STK3: variants seen among roughly 807,000 people sequenced by gnomAD.
The protein encoded by STK3 is serine/threonine kinase 3.
A neutral mutation model predicts 58.0 loss-of-function variants in STK3; 41 were observed. The ratio of observed to expected loss-of-function variants is 0.71; its 90% CI spans 0.55 to 0.92. The LOEUF (loss-of-function observed/expected upper bound fraction) is 0.92. STK3 is among the 40% of genes least tolerant of loss of function. The pLI, the probability that STK3 is intolerant of heterozygous loss-of-function variation, is 0.00. For synonymous variants in STK3, 170 were observed against 191.0 expected (o/e 0.89, Z 0.91); for missense variants, 479 against 602.7 (o/e 0.79, Z 2.15).
chr8:98,886,068 G>A (rs1837977686), intron 1 of STK3, among the ~76,000 whole-genome samples: 1 of 152,182 alleles, frequency 6.6e-6, no homozygotes, highest in Non-Finnish European at 1.5e-5. Context: ...GAGGGCGAAA[G>A]GCATGACTAT....
chr8:98,375,240 G>C (rs996866440), intron 2 of STK3, among the ~76,000 whole-genome samples: 1 of 138,230 alleles, frequency 7.2e-6, no homozygotes, highest in African/African-American at 2.7e-5. Context: ...GAGTGAGAGA[G>C]CAAGAAGCTG....
At chr8:98,844,068 A>C (rs1836102324) in intron 3 of STK3, among the ~76,000 whole-genome samples, 1 of 152,188 alleles carries the variant, frequency 6.6e-6, no homozygotes, top group Non-Finnish European at 1.5e-5. Context: ...TGGTGGGAGA[A>C]TCACTTAAAC....
At chr8:98,648,409 C>G (rs895511273) in intron 6 of STK3, among the ~76,000 whole-genome samples, 1 of 152,112 alleles carries the variant, frequency 6.6e-6, no homozygotes, top group Non-Finnish European at 1.5e-5. Context: ...CAAAAAGATC[C>G]TTGCTTTGAA....
intron 6 of STK3, among the ~76,000 whole-genome samples, chr8:98,702,890 G>A (rs2131044539): frequency 6.6e-6 from 1 of 152,300 alleles, no homozygotes; most frequent in Non-Finnish European, 1.5e-5. Context: ...AGATAGCCAT[G>A]TATATGTAGT....
At chr8:98,489,548 C>G (rs995566668) in intron 10 of STK3, among the ~76,000 whole-genome samples, 1 of 152,110 alleles carries the variant, frequency 6.6e-6, no homozygotes, top group Non-Finnish European at 1.5e-5. Context: ...TCCCACGTAT[C>G]AAGATTATGT....
At chr8:98,836,905 CTG>C (rs1323631455) in intron 3 of STK3, among the ~76,000 whole-genome samples, 11 of 152,152 alleles carry the variant, frequency 7.2e-5, no homozygotes, top group African/African-American at 2.4e-4. Flanking sequence ...GAAATTAAAA[CTG>C]AGAAAATTTT....
chr8:98,631,728 G>A (rs964889800), intron 6 of STK3, among the ~76,000 whole-genome samples: 15 of 152,082 alleles, frequency 9.9e-5, no homozygotes, highest in African/African-American at 3.1e-4. Context: ...GCAGTGGCAC[G>A]ACCTCGGCTC....
intron 6 of STK3, among the ~76,000 whole-genome samples, chr8:98,686,895 A>G (rs1209039595): frequency 6.6e-6 from 1 of 152,216 alleles, no homozygotes; most frequent in Non-Finnish European, 1.5e-5. Context: ...ATAATTTTTA[A>G]AAATGAAAAA....
intron 9 of STK3, among the ~76,000 whole-genome samples, chr8:98,544,248 G>A (rs13257475): frequency 0.34 from 51,522 of 151,986 alleles, 9,492 homozygotes; most frequent in Admixed American, 0.48. Flanking sequence ...TTTCTCAGAT[G>A]CTTATTACAC....
chr8:98,801,517 G>A (rs1007657433), intron 1 of STK3, among the ~76,000 whole-genome samples: 4 of 152,048 alleles, frequency 2.6e-5, no homozygotes, highest in South Asian at 2.1e-4. Flanking sequence ...TGAGGCCAGC[G>A]AGACCATGAA....
At chr8:98,815,402 G>A (rs1834482708) in intron 1 of STK3, among the ~76,000 whole-genome samples, 1 of 152,180 alleles carries the variant, frequency 6.6e-6, no homozygotes, top group Non-Finnish European at 1.5e-5. Flanking sequence ...TAGTCTCCAG[G>A]TTAGGATCTT....
chr8:98,816,356 C>T (rs1192084777), intron 1 of STK3, among the ~76,000 whole-genome samples: 4 of 152,088 alleles, frequency 2.6e-5, no homozygotes, highest in African/African-American at 4.8e-5. Flanking sequence ...TCTACAAATA[C>T]ACAAATTACC....
At chr8:98,519,965 T>TA (rs1396008084) in intron 10 of STK3, among the ~76,000 whole-genome samples, 1 of 152,200 alleles carries the variant, frequency 6.6e-6, no homozygotes, top group East Asian at 1.9e-4. Context: ...TGTAGTGGGT[T>TA]AACAGATGGC....
At chr8:98,886,590 A>G (rs1249949940) in intron 1 of STK3, among the ~76,000 whole-genome samples, 2 of 152,236 alleles carry the variant, frequency 1.3e-5, no homozygotes, top group African/African-American at 2.4e-5. Context: ...AGAAATACAC[A>G]TTAACTTTTT....
intron 6 of STK3, among the ~76,000 whole-genome samples, chr8:98,694,169 G>A (rs1006696994): frequency 9.2e-5 from 14 of 152,088 alleles, no homozygotes; most frequent in South Asian, 2.1e-4. Flanking sequence ...AAAGGGAGGT[G>A]GAAGCCAGTT....
intron 10 of STK3, among the ~76,000 whole-genome samples, chr8:98,501,181 T>C (rs1823566876): frequency 6.6e-6 from 1 of 152,222 alleles, no homozygotes; most frequent in African/African-American, 2.4e-5. Flanking sequence ...TATTTTTTCA[T>C]GTGTCTGCTG....
intron 6 of STK3, among the ~76,000 whole-genome samples, chr8:98,664,136 TC>T (rs1822166125): frequency 6.6e-6 from 1 of 152,130 alleles, no homozygotes; most frequent in South Asian, 2.1e-4. Context: ...AATGAATATA[TC>T]TACATACCAA....
chr8:98,930,611 C>T (rs1839971654), intron 1 of STK3, among the ~76,000 whole-genome samples: 1 of 152,282 alleles, frequency 6.6e-6, no homozygotes, highest in African/African-American at 2.4e-5. Context: ...AAGATGTTTA[C>T]ATGGATTTTG....
At chr8:98,363,321 C>T in the STK3 span, among the ~76,000 whole-genome samples, 1 of 152,166 alleles carries the variant, frequency 6.6e-6, no homozygotes, top group Non-Finnish European at 1.5e-5. Flanking sequence ...AGGCTAAATG[C>T]TATGCCCTTC....
Sources: allele counts gnomAD v4.1 joint callset (sites outside exome capture counted in the v4.1 genomes callset), GRCh38; gene constraint gnomAD v4.1.1; transcripts MANE v1.5; gene names NCBI Gene and HGNC (gene_info 2026-07-23, HGNC 2026-07-21).